The following SHLD1 variants were observed in gnomAD, a reference collection of about 807,000 sequenced individuals.
SHLD1 encodes the protein shieldin complex subunit 1, also known as RINN1-REV7-interacting novel NHEJ regulator 3.
Under a neutral mutation model 5.5 loss-of-function variants are expected in SHLD1, and 3 were observed. The ratio of observed to expected loss-of-function variants is 0.54; its 90% CI spans 0.25 to 1.40. The LOEUF (loss-of-function observed/expected upper bound fraction) is 1.40, where lower values mean the gene tolerates loss of function less well. SHLD1 is among the 40% of genes most tolerant of loss of function. The probability of loss-of-function intolerance (pLI) is 0.15; values close to 1 mark genes in which losing one functional copy is unlikely to be tolerated. For synonymous variants in SHLD1, 92 were observed against 94.3 expected (o/e 0.98, Z 0.14); for missense variants, 210 against 244.4 (o/e 0.86, Z 0.94).
In SHLD1 at chr20:5,863,132, G is replaced by T. The variant is rs773296265; in HGVS notation, c.287G>T (p.Arg96Leu). ...GAGAAGGAAGAGGATGATGGCCTTC[G>T]GAAATCCCTGGATAGATTCTATGAA... ...QSEKEEDDGLRKSLDRFYEMF... is the reference protein window; with the variant it reads ...QSEKEEDDGLLKSLDRFYEMF... Residue 96 changes from arginine to leucine, a missense_variant, in exon 3 of 3, where the codon CGG becomes CTG. Coordinates refer to ENST00000303142, the MANE Select transcript of SHLD1 (RefSeq NM_152504.4). 1 of 1,614,146 alleles carries T rather than the reference G, an allele frequency of 6.2e-7. No individual in the cohort carries two copies. Among genetic ancestry groups the T allele is most frequent in the Admixed American group, 1.7e-5 (1 of 60,022 alleles).
chr20:5,772,421 G>A (rs1985217166), intron 1 of SHLD1, among the ~76,000 whole-genome samples: 1 of 152,208 alleles, frequency 6.6e-6, no homozygotes, highest in Non-Finnish European at 1.5e-5. Flanking sequence ...AGGTGGGATG[G>A]AGTGGGACAG....
chr20:5,825,324 A>G (rs2087653538), intron 2 of SHLD1, among the ~76,000 whole-genome samples: 1 of 152,238 alleles, frequency 6.6e-6, no homozygotes, highest in Non-Finnish European at 1.5e-5. Context: ...TTGAATGCCC[A>G]CTGGGTGGCT....
At chr20:5,845,885 C>T (rs986978929) in intron 2 of SHLD1, among the ~76,000 whole-genome samples, 1 of 152,122 alleles carries the variant, frequency 6.6e-6, no homozygotes, top group Non-Finnish European at 1.5e-5. Flanking sequence ...AATAAGAGCT[C>T]GGCCCTTGGG....
intron 2 of SHLD1, among the ~76,000 whole-genome samples, chr20:5,835,523 G>T (rs237103): frequency 0.32 from 48,575 of 151,930 alleles, 7,984 homozygotes; most frequent in East Asian, 0.5. Context: ...AACTGGGGAA[G>T]GCTTCCTAGG....
At chr20:5,813,945 C>CTTTTTTTTTTTTTTTTT (rs143110037) in intron 2 of SHLD1, among the ~76,000 whole-genome samples, 8 of 79,974 alleles carry the variant, frequency 1.0e-4, no homozygotes, top group East Asian at 4.4e-4. Context: ...CCTTTTCTTT[C>CTTTTTTTTTTTTTTTTT]TTTTTTTTTT....
chr20:5,777,165 T>A (rs1459556451), intron 2 of SHLD1, among the ~76,000 whole-genome samples: 1 of 152,052 alleles, frequency 6.6e-6, no homozygotes, highest in African/African-American at 2.4e-5. Flanking sequence ...ATATTTATAT[T>A]TTTAGTAGAG....
chr20:5,753,491 G>C (rs560491491), intron 1 of SHLD1, among the ~76,000 whole-genome samples: 1 of 152,128 alleles, frequency 6.6e-6, no homozygotes, highest in African/African-American at 2.4e-5. Flanking sequence ...ATAAAAAGCA[G>C]CCCCAAATCA....
At chr20:5,810,360 G>T (rs2087441859) in intron 2 of SHLD1, among the ~76,000 whole-genome samples, 1 of 152,046 alleles carries the variant, frequency 6.6e-6, no homozygotes, top group African/African-American at 2.4e-5. Flanking sequence ...TAGGCTAGGT[G>T]GCAATTAGGA....
At chr20:5,784,353 C>A (rs955439937) in intron 2 of SHLD1, among the ~76,000 whole-genome samples, 2 of 151,938 alleles carry the variant, frequency 1.3e-5, no homozygotes, top group African/African-American at 4.8e-5. Context: ...GTATAGTTCT[C>A]TATAACTTTC....
rs1293827562 is a variant in SHLD1 at position 5,830,746 on chromosome 20, A to G, written c.179-32278A>G. Among the ~76,000 whole-genome samples, 5 of 151,616 alleles carry G rather than the reference A, an allele frequency of 3.3e-5. No individual in the cohort carries two copies. In the East Asian group the frequency reaches 9.7e-4, roughly 29 times the overall value. On this transcript the variant is annotated intron_variant, in intron 2 of 2. Transcript: ENST00000303142. ...AGAATGGTGGTAAGTCTTAGAAGGT[A>G]ATAGTTGAAAGGAGGCAAAAGGAGG...
chr20:5,756,694 T>TTC (rs1984128124), intron 1 of SHLD1: 1 of 160,742 alleles, frequency 6.2e-6, no homozygotes, highest in African/African-American at 2.5e-5. Flanking sequence ...TCTTTCTTTT[T>TTC]TTTTTTTTTT....
intron 1 of SHLD1, among the ~76,000 whole-genome samples, chr20:5,759,936 A>G (rs1323677488): frequency 6.6e-6 from 1 of 152,166 alleles, no homozygotes; most frequent in Admixed American, 6.6e-5. Context: ...TCAGTTATCT[A>G]CACTTGCACC....
At chr20:5,849,672 T>C (rs1452594918) in intron 2 of SHLD1, among the ~76,000 whole-genome samples, 3 of 152,180 alleles carry the variant, frequency 2.0e-5, no homozygotes, top group African/African-American at 7.2e-5. Context: ...TAATAATTCA[T>C]TGAGGGGCCG....
chr20:5,770,215 A>G (rs187344394), intron 1 of SHLD1, among the ~76,000 whole-genome samples: 14 of 152,244 alleles, frequency 9.2e-5, no homozygotes, highest in Admixed American at 5.9e-4. Flanking sequence ...AACTTTTGGA[A>G]GAACATTCTA....
At chr20:5,772,297 A>G (rs544615225) in intron 1 of SHLD1, 54 of 381,780 alleles carry the variant, frequency 1.4e-4, no homozygotes, top group African/African-American at 1.0e-3. Flanking sequence ...TTACTTGAAC[A>G]CAAGCACTGT....
intron 2 of SHLD1, among the ~76,000 whole-genome samples, chr20:5,850,808 C>T (rs1398471612): frequency 2.6e-5 from 4 of 152,180 alleles, no homozygotes; most frequent in Middle Eastern, 3.2e-3. Flanking sequence ...ACGCACCTGG[C>T]GCCCAGTCCC....
In SHLD1 at chr20:5,793,570, C is replaced by T. The variant is rs181680772; in HGVS notation, c.178+20527C>T. The stretch of plus-strand genomic sequence containing the variant: ...TTTCCAAGATTATATAAATAGGCAC[C>T]TCCATTTCTTAGTATTTTTAAAAGT... On this transcript the variant is annotated intron_variant, in intron 2 of 2. Transcript: ENST00000303142. Among the ~76,000 whole-genome samples, 50 of 152,264 alleles carry T rather than the reference C, an allele frequency of 3.3e-4. 1 individual carries two copies. The highest frequency in any genetic ancestry group is 6.8e-3 in the Middle Eastern group (2 of 294).
Position 5,846,964 on chromosome 20 carries a change from C to T in SHLD1, c.179-16060C>T, listed in dbSNP as rs184282487. 2.4e-3 allele frequency among the ~76,000 whole-genome samples: 358 copies of T among 152,262 alleles called. 3 individuals carry two copies. Among genetic ancestry groups the T allele is most frequent in the African/African-American group, 8.1e-3 (335 of 41,542 alleles). On this transcript the variant is annotated intron_variant, in intron 2 of 2. Transcript: ENST00000303142. ...TATTAATCATTTTTATGCTGTAAGC[C>T]GGTAGTTCCTAAATTTTTATTATCT...
chr20:5,814,820 A>G (rs992970974), intron 2 of SHLD1, among the ~76,000 whole-genome samples: 3 of 151,194 alleles, frequency 2.0e-5, no homozygotes, highest in Non-Finnish European at 4.4e-5. Flanking sequence ...ATGCCACCAC[A>G]CCCACTAATT....
Sources: allele counts gnomAD v4.1 joint callset (sites outside exome capture counted in the v4.1 genomes callset), GRCh38; gene constraint gnomAD v4.1.1; transcripts MANE v1.5; gene names NCBI Gene and HGNC (gene_info 2026-07-23, HGNC 2026-07-21).